The following NUDCD1 variants were observed in gnomAD, a reference collection of about 807,000 sequenced individuals.
NUDCD1 encodes nudC domain-containing protein 1.
A neutral mutation model predicts 67.8 loss-of-function variants in NUDCD1; 60 were observed. The ratio of observed to expected loss-of-function variants is 0.88; its 90% confidence interval spans 0.72 to 1.10. The LOEUF (loss-of-function observed/expected upper bound fraction) is 1.10, where lower values mean the gene tolerates loss of function less well. NUDCD1 is among the 50% of genes least tolerant of loss of function. The pLI is 0.00. For synonymous variants in NUDCD1, 244 were observed against 230.8 expected (o/e 1.06, Z -0.52); for missense variants, 643 against 695.0 (o/e 0.93, Z 0.84).
chr8:109,264,621 G>A (rs1394952523), intron 8 of NUDCD1, among the ~76,000 whole-genome samples: 1 of 152,084 alleles, frequency 6.6e-6, no homozygotes, highest in African/African-American at 2.4e-5. Flanking sequence ...TTTAAGAAAT[G>A]GGCATGTCAA....
At chr8:109,249,899 C>A (rs183674699) in intron 8 of NUDCD1, among the ~76,000 whole-genome samples, 51 of 141,468 alleles carry the variant, frequency 3.6e-4, no homozygotes, top group Non-Finnish European at 6.6e-4. Flanking sequence ...AGGCTGGTGT[C>A]CAGTGGCACA....
At chr8:109,290,002 A>C (rs1814672838) in intron 4 of NUDCD1, 69 bp from the exon 5 acceptor site, 1 of 696,126 alleles carries the variant, frequency 1.4e-6, no homozygotes, top group African/African-American at 1.9e-5. Context: ...CTGATATTTA[A>C]AAATTGATTT....
At chr8:109,300,848 C>A (rs1052806810) in intron 2 of NUDCD1, among the ~76,000 whole-genome samples, 13 of 152,134 alleles carry the variant, frequency 8.5e-5, no homozygotes, top group Non-Finnish European at 1.5e-5. Context: ...AGCTGTGAGA[C>A]AAAAGAACCA....
At chr8:109,311,786 G>A (rs7018345) in intron 2 of NUDCD1, among the ~76,000 whole-genome samples, 6,815 of 151,174 alleles carry the variant, frequency 0.045, 519 homozygotes, top group African/African-American at 0.16. Flanking sequence ...AGTGGGAAGC[G>A]GTGAGGGATA....
intron 1 of NUDCD1, among the ~76,000 whole-genome samples, chr8:109,325,725 T>C (rs962430832): frequency 2.0e-5 from 3 of 152,252 alleles, no homozygotes; most frequent in Non-Finnish European, 4.4e-5. Context: ...TGTATTTATT[T>C]TTGTTGACAA....
chr8:109,302,567 T>C (rs1815014424), intron 2 of NUDCD1, among the ~76,000 whole-genome samples: 1 of 152,012 alleles, frequency 6.6e-6, no homozygotes, highest in African/African-American at 2.4e-5. Context: ...TTACCTCCCC[T>C]CCTTACACCA....
At chr8:109,306,998 T>G (rs1036433981) in intron 2 of NUDCD1, among the ~76,000 whole-genome samples, 4 of 152,134 alleles carry the variant, frequency 2.6e-5, no homozygotes, top group African/African-American at 7.2e-5. Flanking sequence ...ACCACTATTT[T>G]GTTTTGTTTT....
chr8:109,254,612 G>A (rs542212075), intron 8 of NUDCD1, among the ~76,000 whole-genome samples: 1 of 151,942 alleles, frequency 6.6e-6, no homozygotes, highest in African/African-American at 2.4e-5. Context: ...AATTACCTTT[G>A]TAGTCTTTGA....
At chr8:109,287,448 C>G (rs947066133) in intron 5 of NUDCD1, among the ~76,000 whole-genome samples, 2 of 152,120 alleles carry the variant, frequency 1.3e-5, no homozygotes, top group African/African-American at 4.8e-5. Context: ...CCATGGAATA[C>G]TACACAGCCA....
chr8:109,243,271 T>C lies in NUDCD1; in HGVS notation c.1490A>G (p.Lys497Arg). The change falls in exon 10 of 10, where the codon AAA becomes AGA. Residue 497 changes from lysine (K) to arginine (R), a missense_variant. Physicochemically the swap from Lys to Arg is conservative, Grantham distance 26. Coordinates refer to ENST00000239690, the MANE Select transcript of NUDCD1 (RefSeq NM_032869.4). ...GTAATTTGGAGCACAGGCAAAAAAT[T>C]TTTTGTCTCTCTTTGATGCTTGGAC... ...GYVQASKRDK[K>R]FFACAPNYSY... 1 of 1,600,916 alleles carries C rather than the reference T, an allele frequency of 6.2e-7. No homozygotes were observed. Among genetic ancestry groups the C allele is most frequent in the Non-Finnish European group, 8.5e-7 (1 of 1,170,238 alleles).
chr8:109,287,187 G>C (rs1586279635), intron 5 of NUDCD1, among the ~76,000 whole-genome samples: 1 of 152,288 alleles, frequency 6.6e-6, no homozygotes, highest in East Asian at 1.9e-4. Context: ...CACTATTGGT[G>C]GGAATGTCAA....
intron 7 of NUDCD1, among the ~76,000 whole-genome samples, chr8:109,272,824 T>C (rs1814188091): frequency 6.6e-6 from 1 of 152,056 alleles, no homozygotes; most frequent in Admixed American, 6.6e-5. Context: ...TAAATATCAA[T>C]GGGAACAATT....
At chr8:109,245,242 GAA>G in intron 9 of NUDCD1, 78 bp downstream of exon 9, 5 of 1,385,834 alleles carry the variant, frequency 3.6e-6, no homozygotes, top group Non-Finnish European at 5.0e-6. Flanking sequence ...AAATTAAAAA[GAA>G]AAAAAAGAAA....
chr8:109,249,681 C>T (rs969007039), intron 8 of NUDCD1, among the ~76,000 whole-genome samples: 2 of 152,092 alleles, frequency 1.3e-5, no homozygotes, highest in African/African-American at 4.8e-5. Flanking sequence ...AGTCATGTTT[C>T]AAATAAGATT....
intron 1 of NUDCD1, among the ~76,000 whole-genome samples, chr8:109,327,590 G>T (rs1017435764): frequency 3.3e-5 from 5 of 151,846 alleles, no homozygotes; most frequent in African/African-American, 1.2e-4. Context: ...AATACTAATT[G>T]TACCAAAACA....
intron 8 of NUDCD1, among the ~76,000 whole-genome samples, chr8:109,257,272 G>A (rs1206027403): frequency 6.6e-6 from 1 of 151,990 alleles, no homozygotes; most frequent in East Asian, 1.9e-4. Context: ...TAAAGTAACT[G>A]GAAAGAGATA....
rs144339241 is a variant in NUDCD1 at position 109,296,464 on chromosome 8, C to T, written c.379G>A (p.Val127Ile). ...CTTCCAGTTCCATCTGACAAGGTAA[C>T]CCAGGTAGAAGATGAGAAATGGATA... ...ASIHFSSSTW[V>I]TLSDGTGRLY... Residue 127 changes from valine (V) to isoleucine (I), a missense_variant, in exon 3 of 10, where the codon GTT becomes ATT. Physicochemically the swap from Val to Ile is conservative, Grantham distance 29. Transcript: ENST00000239690. The T allele has an allele frequency of 6.8e-6, 11 of 1,613,474 alleles. No individual in the cohort carries two copies. Among genetic ancestry groups the T allele is most frequent in the Middle Eastern group, 1.7e-4 (1 of 6,060 alleles).
intron 1 of NUDCD1, among the ~76,000 whole-genome samples, chr8:109,330,674 T>A (rs1384464614): frequency 6.6e-6 from 1 of 152,278 alleles, no homozygotes; most frequent in East Asian, 1.9e-4. Context: ...ACTTAAAATG[T>A]GGTACACATA....
At chr8:109,302,391 C>G (rs1350033285) in intron 2 of NUDCD1, among the ~76,000 whole-genome samples, 1 of 152,132 alleles carries the variant, frequency 6.6e-6, no homozygotes, top group Non-Finnish European at 1.5e-5. Flanking sequence ...TCTTCTTTCT[C>G]TGCTGTCTGT....
Sources: allele counts gnomAD v4.1 joint callset (sites outside exome capture counted in the v4.1 genomes callset), GRCh38; gene constraint gnomAD v4.1.1; transcripts MANE v1.5; gene names NCBI Gene and HGNC (gene_info 2026-07-23, HGNC 2026-07-21).